TTC28: variants seen among roughly 807,000 people sequenced by gnomAD.
The protein encoded by TTC28 is tetratricopeptide repeat protein 28.
A neutral mutation model predicts 198.0 loss-of-function variants in TTC28; 61 were observed. The ratio of observed to expected loss-of-function variants is 0.31; its 90% CI spans 0.25 to 0.38. TTC28 has a LOEUF of 0.38. Ranked by LOEUF, TTC28 falls within the 10% of genes least tolerant of loss-of-function variation. The probability of loss-of-function intolerance (pLI) is 1.00; values close to 1 mark genes in which losing one functional copy is unlikely to be tolerated. For missense variants in TTC28, 2,678 were observed against 3,164.0 expected (o/e 0.85, Z 3.69); for synonymous variants, 1,171 against 1,297.8 (o/e 0.90, Z 2.10).
chr22:27,983,861 A>G lies in TTC28; in HGVS notation c.5816-10T>C, dbSNP rs1937109938. The G allele has an allele frequency of 6.5e-7, 1 of 1,541,668 alleles. No individual in the cohort carries two copies. The highest frequency in any genetic ancestry group is 8.7e-7 in the Non-Finnish European group (1 of 1,144,380). On this transcript the variant is annotated splice_polypyrimidine_tract_variant and intron_variant, in intron 22 of 22. Coordinates refer to ENST00000397906, the MANE Select transcript of TTC28 (RefSeq NM_001145418.2). Reference sequence around the variant, plus strand: ...GGTAGCTCAGTAGAATCTAAGCACAAAACACAAGGGCCCCAAGGACAGTTA... The same window carrying G: ...GGTAGCTCAGTAGAATCTAAGCACAGAACACAAGGGCCCCAAGGACAGTTA...
chr22:28,538,809 G>A (rs1230061368), intron 2 of TTC28, among the ~76,000 whole-genome samples: 1 of 149,936 alleles, frequency 6.7e-6, no homozygotes, highest in East Asian at 2.0e-4. Flanking sequence ...TGATCCACCT[G>A]CCTCGGCCTC....
At chr22:28,433,263 T>C (rs1163584853) in intron 2 of TTC28, among the ~76,000 whole-genome samples, 3 of 152,208 alleles carry the variant, frequency 2.0e-5, no homozygotes, top group South Asian at 4.1e-4. Context: ...TTGTCTTTTA[T>C]TTATTTTTTA....
chr22:28,430,948 C>T (rs1373962292), intron 2 of TTC28, among the ~76,000 whole-genome samples: 1 of 150,672 alleles, frequency 6.6e-6, no homozygotes, highest in Non-Finnish European at 1.5e-5. Context: ...CTAGAATGTA[C>T]TCCCTCATCT....
intron 5 of TTC28, among the ~76,000 whole-genome samples, chr22:28,239,977 TG>T (rs1601519367): frequency 6.6e-6 from 1 of 152,216 alleles, no homozygotes; most frequent in African/African-American, 2.4e-5. Context: ...AATAATTGTT[TG>T]TTGTGGGAGC....
chr22:28,031,359 G>A (rs572254443), intron 12 of TTC28, among the ~76,000 whole-genome samples: 3 of 152,206 alleles, frequency 2.0e-5, no homozygotes, highest in Non-Finnish European at 2.9e-5. Flanking sequence ...CTGATACCTC[G>A]CCCCCAGATA....
chr22:28,261,401 A>G (rs1193260521), intron 5 of TTC28, among the ~76,000 whole-genome samples: 2 of 152,152 alleles, frequency 1.3e-5, no homozygotes, highest in Non-Finnish European at 2.9e-5. Context: ...AAGCCCAAGC[A>G]TGGTGGAAGT....
intron 2 of TTC28, among the ~76,000 whole-genome samples, chr22:28,331,650 G>A (rs2045618359): frequency 6.6e-6 from 1 of 151,938 alleles, no homozygotes; most frequent in African/African-American, 2.4e-5. Flanking sequence ...TTATAAATAA[G>A]CACTCCTGAC....
At chr22:28,328,133 T>C (rs1200113709) in intron 2 of TTC28, among the ~76,000 whole-genome samples, 6 of 152,172 alleles carry the variant, frequency 3.9e-5, no homozygotes, top group Non-Finnish European at 1.5e-5. Context: ...AAATACCTTA[T>C]TTAAAAACAT....
chr22:28,253,761 G>T (rs935372902), intron 5 of TTC28, among the ~76,000 whole-genome samples: 1 of 152,090 alleles, frequency 6.6e-6, no homozygotes, highest in African/African-American at 2.4e-5. Context: ...TCAAAGGGCA[G>T]GTTTCCTATC....
Position 28,096,260 on chromosome 22 carries a change from C to G in TTC28, c.3696G>C (p.Gln1232His). ...GGGAATAGTAAAGCACTAGTCCCCT[C>G]TGGCCATTTACCATCTCTAAGATCT... ...IDQILEMVNG[Q>H]RGLVLYYSLA... Residue 1232 changes from glutamine to histidine, a missense_variant, in exon 11 of 23, where the codon CAG becomes CAC. By Grantham distance (24) the Gln-to-His change is conservative (BLOSUM62 0). Coordinates refer to ENST00000397906, the MANE Select transcript of TTC28 (RefSeq NM_001145418.2). 1.3e-6 allele frequency: 2 copies of G among 1,551,726 alleles called. No homozygotes were observed. Among genetic ancestry groups the G allele is most frequent in the Non-Finnish European group, 1.7e-6 (2 of 1,146,992 alleles).
chr22:28,464,170 C>T (rs1242756760), intron 2 of TTC28, among the ~76,000 whole-genome samples: 1 of 152,106 alleles, frequency 6.6e-6, no homozygotes, highest in Non-Finnish European at 1.5e-5. Flanking sequence ...GCTAGAGACC[C>T]AGAAGAGATG....
intron 2 of TTC28, among the ~76,000 whole-genome samples, chr22:28,572,772 T>C (rs957016972): frequency 4.6e-5 from 7 of 152,176 alleles, no homozygotes; most frequent in African/African-American, 4.8e-5. Context: ...CGTTTTGGGA[T>C]TGGTTACAAA....
intron 12 of TTC28, chr22:28,056,561 A>G (rs1940297963): frequency 6.6e-6 from 1 of 152,226 alleles, no homozygotes. Flanking sequence ...TACAGGCTTC[A>G]ATTAAGGTTC....
At chr22:28,340,843 A>G (rs1367069956) in intron 2 of TTC28, among the ~76,000 whole-genome samples, 5 of 152,228 alleles carry the variant, frequency 3.3e-5, no homozygotes, top group Non-Finnish European at 7.3e-5. Flanking sequence ...CCCCTAATAA[A>G]CAGGGTCTAC....
chr22:28,201,751 C>CAAAAAAAAAAAAAA (rs34790960), intron 5 of TTC28, among the ~76,000 whole-genome samples: 2 of 81,010 alleles, frequency 2.5e-5, no homozygotes, highest in Admixed American at 1.4e-4. Flanking sequence ...TTACAGAAAG[C>CAAAAAAAAAAAAAA]AAAAAAAAAA....
Position 28,629,600 on chromosome 22 carries a change from T to C in TTC28, c.333A>G (p.Ala111=). 5.8e-6 allele frequency: 9 copies of C among 1,551,776 alleles called. No homozygotes were observed. The highest frequency in any genetic ancestry group is 7.8e-6 in the Non-Finnish European group (9 of 1,147,010). Residue 111 remains alanine, a synonymous_variant, in exon 2 of 23, where the codon GCA becomes GCG. Transcript: ENST00000397906. ...AYMKIQQYDK[A]LDDAIKARLL... ...GTCGAGCTTTGATTGCATCATCCAG[T>C]GCCTTGTCATACTGCTGGATTTTCA...
rs1234258964 is a variant in TTC28 at position 27,981,283 on chromosome 22, G to GAGTC, written c.*934_*937dup. 8.5e-6 allele frequency: 1 copy of GAGTC among 117,474 alleles called. No individual in the cohort carries two copies. The highest frequency in any genetic ancestry group is 2.5e-4 in the East Asian group (1 of 3,986). 7.3% of individuals were successfully genotyped at this position (117,474 alleles called of 1,614,324 possible). On this transcript the variant is annotated 3_prime_UTR_variant, in exon 23 of 23. Coordinates refer to ENST00000397906, the MANE Select transcript of TTC28 (RefSeq NM_001145418.2). ...TTTTTTTTTTGCTTATAAGGAAACGGAGTCATTTCAACCTTTCCTTCCAAA... is the reference window on the plus strand; with the variant it reads ...TTTTTTTTTTGCTTATAAGGAAACGGAGTCAGTCATTTCAACCTTTCCTTCCAAA...
chr22:28,066,984 G>C lies in TTC28; in HGVS notation c.3932+27096C>G, dbSNP rs150020983. ...GTAGATCAAGCAGCCCTTTCTCCAG[G>C]AAGCCTCTCCTGACTGAGCCCTCCC... On this transcript the variant is annotated intron_variant, in intron 12 of 22. Coordinates refer to ENST00000397906, the MANE Select transcript of TTC28 (RefSeq NM_001145418.2). Among the ~76,000 whole-genome samples, 268 of 152,082 alleles carry C rather than the reference G, an allele frequency of 1.8e-3. No homozygotes were observed. In the East Asian group the frequency reaches 0.047, roughly 26 times the overall value.
intron 5 of TTC28, among the ~76,000 whole-genome samples, chr22:28,217,182 C>G (rs2147193721): frequency 6.6e-6 from 1 of 152,228 alleles, no homozygotes. Flanking sequence ...CTCCTAATAG[C>G]TGAGTGTTAA....
Sources: allele counts gnomAD v4.1 joint callset (sites outside exome capture counted in the v4.1 genomes callset), GRCh38; gene constraint gnomAD v4.1.1; transcripts MANE v1.5; gene names NCBI Gene and HGNC (gene_info 2026-07-23, HGNC 2026-07-21).